Variants in TRANK1 observed in about 807,000 individuals in gnomAD.
TRANK1 encodes TPR and ankyrin repeat-containing protein 1.
A neutral mutation model predicts 266.0 loss-of-function variants in TRANK1; 198 were observed. The observed-to-expected ratio is 0.74, with a 90% CI of 0.66 to 0.84. The LOEUF (loss-of-function observed/expected upper bound fraction) is 0.84. Ranked by LOEUF, TRANK1 falls within the 40% of genes least tolerant of loss-of-function variation. The pLI is 0.00. For synonymous variants in TRANK1, 1,396 were observed against 1,384.1 expected (o/e 1.01, Z -0.19); for missense variants, 3,326 against 3,634.6 (o/e 0.92, Z 2.18).
Position 36,895,717 on chromosome 3 carries a change from G to A in TRANK1, c.475C>T (p.His159Tyr). 3 of 1,536,058 alleles carry A rather than the reference G, an allele frequency of 2.0e-6. No homozygotes were observed. The highest frequency in any genetic ancestry group is 2.6e-6 in the Non-Finnish European group (3 of 1,146,646). Residue 159 changes from histidine to tyrosine, a missense_variant, in exon 5 of 24, where the codon CAT (histidine) becomes TAT (tyrosine). His to Tyr is a moderately conservative substitution (Grantham distance 83). Transcript: ENST00000645898. The part of the protein sequence containing the change: ...VLQSFLPCFD[H>Y]IFTTGFPTEV... Reference sequence around the variant, plus strand: ...GTTGGGAATCCAGTTGTGAAAATATGATCAAAGCAAGGCAAGAAACTTTGC... The same window carrying A: ...GTTGGGAATCCAGTTGTGAAAATATAATCAAAGCAAGGCAAGAAACTTTGC...
chr3:36,864,217 T>C (rs1011315931), intron 10 of TRANK1, 102 bp downstream of exon 10: 2 of 1,269,220 alleles, frequency 1.6e-6, no homozygotes, highest in Non-Finnish European at 2.1e-6. Context: ...TGTAGATACA[T>C]TATTTTTATT....
chr3:36,892,187 T>C lies in TRANK1; in HGVS notation c.775+15A>G, dbSNP rs1191503500. ...AAGGGCAGCTTGGAGGGTGGAAAAC[T>C]GGGAGAAGACTCACTGGCTTGGATA... On this transcript the variant is annotated intron_variant, in intron 7 of 23. Coordinates refer to ENST00000645898, the MANE Select transcript of TRANK1 (RefSeq NM_001329998.2). 8.5e-6 allele frequency: 13 copies of C among 1,535,716 alleles called. No homozygotes were observed. Among genetic ancestry groups the C allele is most frequent in the Non-Finnish European group, 1.1e-5 (13 of 1,146,078 alleles).
At chr3:36,852,632 G>A (rs1484640768) in intron 13 of TRANK1, among the ~76,000 whole-genome samples, 1 of 151,798 alleles carries the variant, frequency 6.6e-6, no homozygotes, top group East Asian at 1.9e-4. Flanking sequence ...GAAGAGTCAA[G>A]GCAAAAATGT....
In TRANK1 at chr3:36,865,984, GAGAA is replaced by G. The variant is rs368657168; in HGVS notation, c.1079-1508_1079-1505del. Reference sequence around the variant, plus strand: ...AGAGAGAGACAGAGACAGAGAGAGAGAGAAAGAAAGAAAGAGAAAGAGAGAGAGA... The same window carrying G: ...AGAGAGAGACAGAGACAGAGAGAGAGAGAAAGAAAGAGAAAGAGAGAGAGA... On this transcript the variant is annotated intron_variant, in intron 9 of 23. Coordinates refer to ENST00000645898, the MANE Select transcript of TRANK1 (RefSeq NM_001329998.2). Among the ~76,000 whole-genome samples the G allele has an allele frequency of 1.0e-4, 15 of 149,826 alleles. No individual in the cohort carries two copies. The South Asian group carries it at 2.1e-3, about 21-fold the overall frequency.
At chr3:36,886,067 G>A (rs185439975) in intron 8 of TRANK1, among the ~76,000 whole-genome samples, 3 of 151,786 alleles carry the variant, frequency 2.0e-5, no homozygotes, top group Non-Finnish European at 4.4e-5. Flanking sequence ...AGGTCATAGT[G>A]GCAGCCTATG....
chr3:36,838,781 A>G (rs1401721616), intron 18 of TRANK1, 65 bp from the exon 19 acceptor site: 3 of 1,481,072 alleles, frequency 2.0e-6, no homozygotes, highest in Non-Finnish European at 2.8e-6. Context: ...ACAACGGTTA[A>G]AGCATGCATT....
chr3:36,923,895 G>A (rs2080252232), intron 1 of TRANK1, among the ~76,000 whole-genome samples: 1 of 152,204 alleles, frequency 6.6e-6, no homozygotes, highest in Non-Finnish European at 1.5e-5. Context: ...GCTCTCCAGT[G>A]CTGCCTGAAG....
At chr3:36,854,237 G>A (rs139375249) in intron 13 of TRANK1, among the ~76,000 whole-genome samples, 2 of 152,208 alleles carry the variant, frequency 1.3e-5, no homozygotes, top group Non-Finnish European at 2.9e-5. Context: ...GCAGGCGCCT[G>A]TAGTCCCAGC....
At position 36,833,287 on chromosome 3, in the gene TRANK1, T is replaced by C. The variant is rs1298286890; in HGVS notation, c.6296A>G (p.Lys2099Arg). 7.4e-6 allele frequency: 12 copies of C among 1,613,872 alleles called. No individual in the cohort carries two copies. In the Admixed American group the frequency reaches 8.3e-5, roughly 11 times the overall value. ...CTTCTCAGCATTGTTGGTCACTCTT[T>C]TGAGAGCCCTGACCAGACTGAGGAG... The part of the protein sequence containing the change: ...EILLSLVRAL[K>R]RVTNNAEKEM... The change falls in exon 22 of 24, where the codon AAA becomes AGA. Residue 2099 changes from lysine to arginine, a missense_variant. By Grantham distance (26) the Lys-to-Arg change is conservative. Coordinates refer to ENST00000645898, the MANE Select transcript of TRANK1 (RefSeq NM_001329998.2).
At chr3:36,917,869 T>G (rs931144301) in intron 1 of TRANK1, among the ~76,000 whole-genome samples, 6 of 152,198 alleles carry the variant, frequency 3.9e-5, no homozygotes, top group African/African-American at 1.2e-4. Context: ...TCTGTGGTAT[T>G]AAAATTTCAT....
At chr3:36,914,997 G>T (rs2080105354) in intron 1 of TRANK1, among the ~76,000 whole-genome samples, 1 of 151,872 alleles carries the variant, frequency 6.6e-6, no homozygotes, top group Non-Finnish European at 1.5e-5. Context: ...TGTCACCCAG[G>T]CTGGAGTGCA....
chr3:36,850,038 T>A, intron 15 of TRANK1: 1 of 985,430 alleles, frequency 1.0e-6, no homozygotes, highest in African/African-American at 1.7e-5. Context: ...GATTTTTCTT[T>A]CACAAATAGA....
chr3:36,932,653 G>A (rs1016215082), intron 1 of TRANK1, among the ~76,000 whole-genome samples: 7 of 152,224 alleles, frequency 4.6e-5, no homozygotes, highest in Non-Finnish European at 8.8e-5. Context: ...AAACTGGAGA[G>A]CAATTTGGAG....
Position 36,851,862 on chromosome 3 carries a change from GA to G in TRANK1, c.4750-7del. The G allele has an allele frequency of 6.3e-7, 1 of 1,584,040 alleles. No homozygotes were observed. The highest frequency in any genetic ancestry group is 8.6e-7 in the Non-Finnish European group (1 of 1,167,142). On this transcript the variant is annotated splice_region_variant and splice_polypyrimidine_tract_variant and intron_variant, in intron 14 of 23. Transcript: ENST00000645898. ...TCATTGGCCACAAGGATTACCTGAA[GA>G]AAAACAAAAGAACATCAAATTCTAC...
intron 1 of TRANK1, among the ~76,000 whole-genome samples, chr3:36,929,669 A>T (rs572325890): frequency 1.3e-5 from 2 of 152,216 alleles, no homozygotes; most frequent in Non-Finnish European, 2.9e-5. Context: ...CCCCAAAGAC[A>T]TCCAGATCCC....
chr3:36,835,718 G>A (rs1039803489), intron 20 of TRANK1, among the ~76,000 whole-genome samples: 5 of 152,186 alleles, frequency 3.3e-5, no homozygotes, highest in African/African-American at 1.2e-4. Context: ...AGACGAAAAT[G>A]TATTGTTTCT....
intron 9 of TRANK1, among the ~76,000 whole-genome samples, chr3:36,869,817 T>C (rs1436739499): frequency 6.6e-6 from 1 of 152,234 alleles, no homozygotes; most frequent in Non-Finnish European, 1.5e-5. Context: ...GCCACACACA[T>C]TTCAACTGCT....
intron 1 of TRANK1, among the ~76,000 whole-genome samples, chr3:36,934,748 G>A (rs951607158): frequency 6.6e-6 from 1 of 152,128 alleles, no homozygotes; most frequent in African/African-American, 2.4e-5. Flanking sequence ...AAATCAACTT[G>A]TGCATTTAAG....
upstream of TRANK1, among the ~76,000 whole-genome samples, chr3:36,945,506 G>A (rs1559486431): frequency 6.6e-6 from 1 of 152,330 alleles, no homozygotes; most frequent in East Asian, 1.9e-4. Flanking sequence ...GGGTCCGGGA[G>A]TGAAGGGGGC....
Sources: allele counts gnomAD v4.1 joint callset (sites outside exome capture counted in the v4.1 genomes callset), GRCh38; gene constraint gnomAD v4.1.1; transcripts MANE v1.5; gene names NCBI Gene and HGNC (gene_info 2026-07-23, HGNC 2026-07-21).